Variants in PRELID2 observed in about 807,000 individuals in gnomAD.
PRELID2 encodes PRELI domain containing 2.
Under a neutral mutation model 28.4 loss-of-function variants are expected in PRELID2, and 25 were observed. The observed-to-expected ratio is 0.88, with a 90% CI of 0.64 to 1.23. The LOEUF (loss-of-function observed/expected upper bound fraction) is 1.23, where lower values mean the gene tolerates loss of function less well. Ranked by LOEUF, PRELID2 falls within the 50% of genes most tolerant of loss-of-function variation. The probability of loss-of-function intolerance (pLI) is 0.00; values close to 1 mark genes in which losing one functional copy is unlikely to be tolerated. For missense variants in PRELID2, 201 were observed against 214.4 expected (o/e 0.94, Z 0.39); for synonymous variants, 76 against 71.6 (o/e 1.06, Z -0.31).
At chr5:145,299,096 C>T in the PRELID2 span, among the ~76,000 whole-genome samples, 6 of 151,942 alleles carry the variant, frequency 3.9e-5, no homozygotes, top group African/African-American at 1.4e-4. Context: ...TACTCATCAC[C>T]TAGCTTCAAT....
chr5:145,569,034 CTG>C (rs1450822566), intron 1 of PRELID2, among the ~76,000 whole-genome samples: 1 of 152,198 alleles, frequency 6.6e-6, no homozygotes, highest in Non-Finnish European at 1.5e-5. Context: ...CAAAGAAACA[CTG>C]TAAAGATTTT....
At chr5:145,594,798 A>T (rs1753279310) in intron 1 of PRELID2, among the ~76,000 whole-genome samples, 1 of 152,140 alleles carries the variant, frequency 6.6e-6, no homozygotes, top group East Asian at 1.9e-4. Flanking sequence ...TAAGCAATGA[A>T]CTCATGTTAG....
Position 145,481,519 on chromosome 5 carries a change from A to T in PRELID2, n.71-8204T>A, listed in dbSNP as rs75221405. 6.1e-3 allele frequency among the ~76,000 whole-genome samples: 919 copies of T among 150,950 alleles called. 7 individuals are homozygous for T. The highest frequency in any genetic ancestry group is 0.017 in the Middle Eastern group (5 of 292). The stretch of plus-strand genomic sequence containing the variant: ...AAATGGATTCTAATAATGGTACTCT[A>T]GAGAATTGGATCTTCTGGTCCAAAT... On this transcript the variant is annotated intron_variant and non_coding_transcript_variant, in intron 1 of 2. Coordinates refer to the PRELID2 transcript ENST00000510259.
chr5:145,335,325 A>T, the PRELID2 span, among the ~76,000 whole-genome samples: 5 of 151,906 alleles, frequency 3.3e-5, no homozygotes, highest in Non-Finnish European at 7.4e-5. Context: ...TTAATCATTT[A>T]TATCTCTTTG....
intron 1 of PRELID2, among the ~76,000 whole-genome samples, chr5:145,648,388 G>T (rs1754232784): frequency 6.6e-6 from 1 of 151,424 alleles, no homozygotes; most frequent in African/African-American, 2.4e-5. Flanking sequence ...AAGACAAAAA[G>T]ATGTTTTTAA....
At chr5:145,269,740 T>C in the PRELID2 span, among the ~76,000 whole-genome samples, 4 of 150,000 alleles carry the variant, frequency 2.7e-5, no homozygotes, top group Admixed American at 2.0e-4. Context: ...TATATATAAT[T>C]AATTTAACAA....
intron 1 of PRELID2, among the ~76,000 whole-genome samples, chr5:145,651,502 C>T (rs749017459): frequency 6.6e-6 from 1 of 152,176 alleles, no homozygotes; most frequent in Non-Finnish European, 1.5e-5. Flanking sequence ...CTGGGAGGCA[C>T]CCCCAGTAGG....
intron 1 of PRELID2, among the ~76,000 whole-genome samples, chr5:145,521,293 T>C (rs924529744): frequency 2.0e-5 from 3 of 152,170 alleles, no homozygotes; most frequent in Non-Finnish European, 4.4e-5. Context: ...TGTGAAAGAT[T>C]GGCACCATCT....
intron 5 of PRELID2, among the ~76,000 whole-genome samples, chr5:145,766,007 A>G (rs1249900376): frequency 6.6e-6 from 1 of 152,148 alleles, no homozygotes. Context: ...GTCCATACCC[A>G]CCTATCTACT....
At chr5:145,275,368 G>A in the PRELID2 span, among the ~76,000 whole-genome samples, 8 of 152,038 alleles carry the variant, frequency 5.3e-5, no homozygotes, top group African/African-American at 9.7e-5. Flanking sequence ...CTGCAAAGAG[G>A]AGCCTGAAAT....
At chr5:145,609,184 T>A (rs1385440708) in intron 1 of PRELID2, among the ~76,000 whole-genome samples, 1 of 152,204 alleles carries the variant, frequency 6.6e-6, no homozygotes, top group African/African-American at 2.4e-5. Flanking sequence ...TTCCTTAGAG[T>A]CCTTGCTTTG....
chr5:145,481,625 A>AC, intron 1 of PRELID2, among the ~76,000 whole-genome samples: 1 of 20,474 alleles, frequency 4.9e-5, no homozygotes, highest in African/African-American at 1.8e-4. Flanking sequence ...AAGGAAATCA[A>AC]AAAAAAAAAA....
downstream of PRELID2, among the ~76,000 whole-genome samples, chr5:145,755,774 T>C (rs1022828869): frequency 2.6e-5 from 4 of 152,102 alleles, no homozygotes; most frequent in Admixed American, 6.5e-5. Context: ...TCCTGCCGTA[T>C]TCCTGCACAC....
At chr5:145,392,669 AAGAGAAAGAAAGAGAGAGGGAGGAGAGAG>A in the PRELID2 span, among the ~76,000 whole-genome samples, 1 of 152,042 alleles carries the variant, frequency 6.6e-6, no homozygotes, top group African/African-American at 2.4e-5. Context: ...CACATAATGA[AAGAGAAAGAAAGAGAGAGGGAGGAGAGAG>A]AGAGAAAGAA....
intron 4 of PRELID2, among the ~76,000 whole-genome samples, chr5:145,817,216 A>T (rs10477286): frequency 0.34 from 20,526 of 60,250 alleles, 5,497 homozygotes; most frequent in East Asian, 0.64. Flanking sequence ...AATAAATAAA[A>T]AAAAATATAT....
chr5:145,293,171 G>T, the PRELID2 span, among the ~76,000 whole-genome samples: 2 of 152,072 alleles, frequency 1.3e-5, no homozygotes, highest in Admixed American at 1.3e-4. Flanking sequence ...ACTCCTACTT[G>T]TCAAACACAT....
chr5:145,379,086 G>A, the PRELID2 span, among the ~76,000 whole-genome samples: 1 of 152,100 alleles, frequency 6.6e-6, no homozygotes, highest in Non-Finnish European at 1.5e-5. Context: ...AGATTTTAGG[G>A]GGCCAATGCA....
chr5:145,374,964 C>T, the PRELID2 span, among the ~76,000 whole-genome samples: 1 of 152,140 alleles, frequency 6.6e-6, no homozygotes, highest in South Asian at 2.1e-4. Flanking sequence ...TATTACCCAT[C>T]TTCCCAACCC....
chr5:145,664,703 G>A (rs764065436), intron 1 of PRELID2, among the ~76,000 whole-genome samples: 6 of 152,098 alleles, frequency 3.9e-5, no homozygotes, highest in African/African-American at 1.2e-4. Context: ...GGGCTTCAAG[G>A]TGGCTCTGGC....
Sources: gnomAD v4.1 joint callset for allele counts (sites outside exome capture counted in the v4.1 genomes callset) on GRCh38, gnomAD v4.1.1 for gene constraint, MANE v1.5 for transcripts, NCBI Gene and HGNC (gene_info 2026-07-23, HGNC 2026-07-21) for gene names.